Variants in ZBP1 observed in about 807,000 individuals in gnomAD.
ZBP1 encodes the protein Z-DNA binding protein 1, also known as Z-DNA-binding protein 1.
A neutral mutation model predicts 41.1 loss-of-function variants in ZBP1; 42 were observed. The observed-to-expected ratio is 1.02, with a 90% confidence interval of 0.80 to 1.32. The LOEUF (loss-of-function observed/expected upper bound fraction) is 1.32, where lower values mean the gene tolerates loss of function less well. Among genes scored for constraint, ZBP1 ranks in the 40% most tolerant of loss-of-function variants. ZBP1 has a pLI of 0.00. For missense variants in ZBP1, 562 were observed against 549.7 expected (o/e 1.02, Z -0.22); for synonymous variants, 214 against 205.2 (o/e 1.04, Z -0.37).
At position 57,610,068 on chromosome 20, in the gene ZBP1, C is replaced by G. The variant is rs139935623; in HGVS notation, c.1093+81G>C. 2.8e-6 allele frequency: 4 copies of G among 1,434,026 alleles called. No homozygotes were observed. The African/African-American group carries it at 5.6e-5, about 20-fold the overall frequency. The allele number at this position is 1,434,026 out of a possible 1,614,324, so 88.8% of individuals were successfully genotyped here. On this transcript the variant is annotated intron_variant, in intron 7 of 7. Transcript: ENST00000371173. The surrounding 1 kb of genome is among the most constrained non-coding windows in gnomAD (Gnocchi z 5.5). ...GGGAAACCAGAGATTAGCGAATGAT[C>G]GATGAGAGTGAATGAATGAATGAGT...
rs777131439 is a variant in ZBP1 at position 57,613,234 on chromosome 20, A to G, written c.599T>C (p.Ile200Thr). The G allele has an allele frequency of 2.5e-6, 4 of 1,614,236 alleles. No individual in the cohort carries two copies. In the Admixed American group the frequency reaches 5.0e-5, roughly 20 times the overall value. The change falls in exon 5 of 8, where the codon ATT becomes ACT. Residue 200 changes from isoleucine to threonine, a missense_variant. Transcript: ENST00000371173. This position sits in a 1 kb window ranked among gnomAD's most constrained non-coding sequence, Gnocchi z 4.5. ...AATCTGGATGGCTTCGGAGTTTGCA[A>G]TGGAAATCCAGCTGTTGGGTCCATT... ...CQNGPNSWIS[I>T]ANSEAIQIGH...
chr20:57,610,247 G>A lies in ZBP1; in HGVS notation c.995C>T (p.Ala332Val), dbSNP rs41275648. ...IHMKSCFLED[A>V]TIGNSNKMSI... is the part of the protein sequence containing the mutation. ...CATTTTGTTGCTGTTGCCGATGGTG[G>A]CGTCCTCGAGAAAGCACGATTTCAT... The change falls in exon 7 of 8, where the codon GCC becomes GTC. Residue 332 changes from alanine to valine, a missense_variant. Coordinates refer to ENST00000371173, the MANE Select transcript of ZBP1 (RefSeq NM_030776.3). This position sits in a 1 kb window ranked among gnomAD's most constrained non-coding sequence, Gnocchi z 5.5. 0.055 allele frequency: 87,990 copies of A among 1,614,120 alleles called. 3,170 individuals are homozygous for A. The highest frequency in any genetic ancestry group is 0.21 in the East Asian group (9,380 of 44,874).
intron 7 of ZBP1, among the ~76,000 whole-genome samples, chr20:57,606,231 G>A (rs2070493559): frequency 6.6e-6 from 1 of 152,254 alleles, no homozygotes; most frequent in South Asian, 2.1e-4. Flanking sequence ...TCTGGATAGA[G>A]GATCGAGCCA....
Position 57,615,026 on chromosome 20 carries a change from A to T in ZBP1, c.363T>A (p.Gly121=), listed in dbSNP as rs772514001. The change falls in exon 4 of 8, where the codon GGT becomes GGA. Residue 121 remains glycine, a synonymous_variant. Transcript: ENST00000371173. The stretch of plus-strand genomic sequence containing the variant: ...GGGCGATGACCAGGGCCCTCTGGGG[A>T]CCATTGTCTTTGAGAAACCTGTAGA... ...EDIYRFLKDN[G]PQRALVIAQA... 7 of 1,614,064 alleles carry T rather than the reference A, an allele frequency of 4.3e-6. No homozygotes were observed. The highest frequency in any genetic ancestry group is 1.6e-4 in the Middle Eastern group (1 of 6,062).
intron 7 of ZBP1, chr20:57,607,381 G>A (rs747979199): frequency 1.4e-4 from 176 of 1,220,500 alleles, no homozygotes; most frequent in Non-Finnish European, 1.8e-4. Flanking sequence ...GCAATCTCAT[G>A]AGAAAGCTTG....
chr20:57,613,777 G>T lies in ZBP1; in HGVS notation c.503-447C>A, dbSNP rs1455077150. ...TTCAATATTTGAATTTGTCACTAGT[G>T]TTTAAAATCTGGTGGCTGTCACGCG... On this transcript the variant is annotated intron_variant, in intron 4 of 7. Coordinates refer to ENST00000371173, the MANE Select transcript of ZBP1 (RefSeq NM_030776.3). This position sits in a 1 kb window ranked among gnomAD's most constrained non-coding sequence, Gnocchi z 4.5. Among the ~76,000 whole-genome samples the T allele has an allele frequency of 2.0e-5, 3 of 152,222 alleles. No individual in the cohort carries two copies. Among genetic ancestry groups the T allele is most frequent in the Non-Finnish European group, 4.4e-5 (3 of 68,040 alleles).
intron 7 of ZBP1, among the ~76,000 whole-genome samples, chr20:57,606,748 C>G (rs1374557846): frequency 6.6e-6 from 1 of 152,166 alleles, no homozygotes; most frequent in Non-Finnish European, 1.5e-5. Flanking sequence ...AGCAACAAAG[C>G]TAGATGAGAG....
rs1188916475 is a variant in ZBP1 at position 57,610,744 on chromosome 20, C to G, written c.875-377G>C. ...TCTTATGGGGGCTCCCAGCCTGGCCCCAGCTCCTGCCATCTGGCTCTGCCC... is the reference window on the plus strand; with the variant it reads ...TCTTATGGGGGCTCCCAGCCTGGCCGCAGCTCCTGCCATCTGGCTCTGCCC... On this transcript the variant is annotated intron_variant, in intron 6 of 7. Transcript: ENST00000371173. This position sits in a 1 kb window ranked among gnomAD's most constrained non-coding sequence, Gnocchi z 5.5. The G allele has an allele frequency of 2.6e-5, 8 of 308,906 alleles. No homozygotes were observed. The East Asian group carries it at 5.7e-4, about 22-fold the overall frequency. 19.1% of individuals were successfully genotyped at this position (308,906 alleles called of 1,614,324 possible).
intron 5 of ZBP1, among the ~76,000 whole-genome samples, chr20:57,612,666 G>GTTT (rs2070705503): frequency 6.6e-6 from 1 of 152,176 alleles, no homozygotes; most frequent in African/African-American, 2.4e-5. Context: ...GTGCAACACC[G>GTTT]CATTTCATCC....
chr20:57,616,777 G>T, intron 1 of ZBP1: 1 of 430,478 alleles, frequency 2.3e-6, no homozygotes, highest in Admixed American at 3.6e-5. Context: ...CAGCTCTCAG[G>T]TGTCCTCAGG....
rs2070444553 is a variant in ZBP1, at chr20:57,604,400, T to G, written c.*173A>C. ...ATCTACTCCTGGCCATCAAAAGACC[T>G]GGCCTGAACCCATCCCCATGCCAGG... On this transcript the variant is annotated 3_prime_UTR_variant, in exon 8 of 8. Transcript: ENST00000371173. 2.5e-6 allele frequency: 2 copies of G among 805,988 alleles called. No homozygotes were observed. The highest frequency in any genetic ancestry group is 3.9e-5 in the Admixed American group (2 of 50,874). The allele number at this position is 805,988 out of a possible 1,614,324, so 49.9% of individuals were successfully genotyped here. A position where few individuals can be genotyped will look rare whatever the true frequency, so the allele number is the denominator to read the frequency against.
chr20:57,605,469 A>G (rs2070471484), intron 7 of ZBP1, among the ~76,000 whole-genome samples: 1 of 152,178 alleles, frequency 6.6e-6, no homozygotes, highest in South Asian at 2.1e-4. Context: ...TTGCTATTAT[A>G]ATTGCTTTGC....
Position 57,616,366 on chromosome 20 carries a change from T to C in ZBP1, c.137A>G (p.Asn46Ser), listed in dbSNP as rs1469049028. The C allele has an allele frequency of 6.2e-7, 1 of 1,614,084 alleles. No individual in the cohort carries two copies. The highest frequency in any genetic ancestry group is 1.7e-5 in the Admixed American group (1 of 60,000). The change falls in exon 2 of 8, where the codon AAC becomes AGC. Residue 46 changes from asparagine to serine, a missense_variant. Asn to Ser is a conservative substitution (Grantham distance 46). Transcript: ENST00000371173. ...KECQAPKREL[N>S]QVLYRMKKEL... ...CTTTTTCATTCGGTAGAGGACTTGGTTGAGCTCCCTCTTGGGTGCTTGGCA... is the reference window on the plus strand; with the variant it reads ...CTTTTTCATTCGGTAGAGGACTTGGCTGAGCTCCCTCTTGGGTGCTTGGCA...
chr20:57,611,767 C>T lies in ZBP1; in HGVS notation c.834G>A (p.Pro278=), dbSNP rs766396252. The change falls in exon 6 of 8, where the codon CCG becomes CCA. Residue 278 remains proline, a synonymous_variant. Coordinates refer to ENST00000371173, the MANE Select transcript of ZBP1 (RefSeq NM_030776.3). ...HSNEMRLHGV[P]SEGPAHIPPG... is the part of the protein sequence containing the mutation. ...GGGGGATGTGGGCAGGGCCCTCGGA[C>T]GGGACGCCGTGGAGCCTCATCTCAT... is the stretch of plus-strand genomic sequence containing the variant. 53 of 1,612,260 alleles carry T rather than the reference C, an allele frequency of 3.3e-5. No individual in the cohort carries two copies. The East Asian group carries it at 7.6e-4, about 23-fold the overall frequency.
intron 6 of ZBP1, among the ~76,000 whole-genome samples, chr20:57,611,123 C>A (rs2070655842): frequency 6.6e-6 from 1 of 152,226 alleles, no homozygotes. Context: ...CCATTCCAGT[C>A]TCAAACCATC....
chr20:57,609,516 C>T (rs1488772517), intron 7 of ZBP1, among the ~76,000 whole-genome samples: 1 of 151,832 alleles, frequency 6.6e-6, no homozygotes, highest in Non-Finnish European at 1.5e-5. Flanking sequence ...ACAACAGCGG[C>T]TCTCTGTACC....
At chr20:57,620,003 A>C (rs2070960601) in intron 1 of ZBP1, among the ~76,000 whole-genome samples, 1 of 152,050 alleles carries the variant, frequency 6.6e-6, no homozygotes, top group Non-Finnish European at 1.5e-5. Flanking sequence ...TGCCCGGTTA[A>C]TTTTTGTAAT....
Position 57,610,387 on chromosome 20 carries a change from A to G in ZBP1, c.875-20T>C, listed in dbSNP as rs762029601. The G allele has an allele frequency of 5.6e-6, 9 of 1,612,950 alleles. No individual in the cohort carries two copies. Among genetic ancestry groups the G allele is most frequent in the Admixed American group, 1.7e-5 (1 of 59,968 alleles). On this transcript the variant is annotated intron_variant, in intron 6 of 7. Coordinates refer to ENST00000371173, the MANE Select transcript of ZBP1 (RefSeq NM_030776.3). The surrounding 1 kb of genome is among the most constrained non-coding windows in gnomAD (Gnocchi z 5.5). ...CAGAGACTGTGGGTCAAAGGGAGAG[A>G]GGCCTGGAGCCAGGAGCAGCTGGAC... is the stretch of plus-strand genomic sequence containing the variant.
intron 1 of ZBP1, chr20:57,616,709 G>T: frequency 1.9e-6 from 1 of 534,768 alleles, no homozygotes; most frequent in Non-Finnish European, 3.4e-6. Context: ...GGCCAGGGGA[G>T]GTGCCACCTC....
Sources: gnomAD v4.1 joint callset for allele counts (sites outside exome capture counted in the v4.1 genomes callset) on GRCh38, gnomAD v4.1.1 for gene constraint, Gnocchi (gnomAD v3.1) non-coding constraint, MANE v1.5 for transcripts, NCBI Gene and HGNC (gene_info 2026-07-23, HGNC 2026-07-21) for gene names.